BMPR1A: variants seen among roughly 807,000 people sequenced by gnomAD.
BMPR1A encodes bone morphogenetic protein receptor type-1A.
Under a neutral mutation model 66.0 loss-of-function variants are expected in BMPR1A, and 7 were observed. That is an observed-to-expected ratio of 0.11 (90% confidence interval 0.06 to 0.20). BMPR1A has a LOEUF of 0.20. Ranked by LOEUF, BMPR1A falls within the 10% of genes least tolerant of loss-of-function variation. BMPR1A has a pLI of 1.00. For synonymous variants in BMPR1A, 200 were observed against 229.7 expected (o/e 0.87, Z 1.17); for missense variants, 408 against 669.1 (o/e 0.61, Z 4.31).
At chr10:86,819,845 G>T (rs967871834) in intron 1 of BMPR1A, among the ~76,000 whole-genome samples, 1 of 152,086 alleles carries the variant, frequency 6.6e-6, no homozygotes, top group Non-Finnish European at 1.5e-5. Flanking sequence ...AATAATAAAC[G>T]ATTTTTCCAA....
chr10:86,818,739 A>C (rs1048918393), intron 1 of BMPR1A, among the ~76,000 whole-genome samples: 1 of 152,208 alleles, frequency 6.6e-6, no homozygotes, highest in African/African-American at 2.4e-5. Context: ...TCATAGTTTG[A>C]ATGATTCAGA....
chr10:86,761,890 G>C (rs1841064362), intron 1 of BMPR1A, among the ~76,000 whole-genome samples: 1 of 152,214 alleles, frequency 6.6e-6, no homozygotes, highest in Admixed American at 6.5e-5. Context: ...GGATCACATG[G>C]AGTTTGAGAT....
At chr10:86,830,267 G>GTCCC (rs899571746) in intron 1 of BMPR1A, among the ~76,000 whole-genome samples, 6 of 152,226 alleles carry the variant, frequency 3.9e-5, no homozygotes, top group Admixed American at 2.6e-4. Context: ...CTTGACGGGA[G>GTCCC]GTTTGCTAAT....
At chr10:86,910,415 G>A (rs1050255103) in intron 7 of BMPR1A, among the ~76,000 whole-genome samples, 2 of 152,140 alleles carry the variant, frequency 1.3e-5, no homozygotes, top group Admixed American at 1.3e-4. Flanking sequence ...ATACTATCTA[G>A]CCATTAAAGA....
intron 5 of BMPR1A, among the ~76,000 whole-genome samples, chr10:86,896,166 A>AAAAG (rs55776020): frequency 0.16 from 19,246 of 122,028 alleles, 1,919 homozygotes; most frequent in East Asian, 0.63. Context: ...AAAAGAAAAG[A>AAAAG]AAAAAAAAAA....
chr10:86,895,411 G>T (rs921700180), intron 5 of BMPR1A, among the ~76,000 whole-genome samples: 1 of 151,978 alleles, frequency 6.6e-6, no homozygotes, highest in Non-Finnish European at 1.5e-5. Context: ...GGTGGTGCGT[G>T]CCTTTAATCC....
At chr10:86,923,225 A>G in intron 11 of BMPR1A, 151 bp from the exon 12 acceptor site, 1 of 991,034 alleles carries the variant, frequency 1.0e-6, no homozygotes. Flanking sequence ...AGAAAAACAT[A>G]CATCTACTAT....
chr10:86,889,924 A>G lies in BMPR1A; in HGVS notation c.68-138A>G, dbSNP rs987438634. On this transcript the variant is annotated intron_variant, in intron 3 of 12. Transcript: ENST00000372037. Reference sequence around the variant, plus strand: ...GTATGTCTGTTTGTTGTATGAATGAAATTTATATTTCTAAAGAAACATGCT... The same window carrying G: ...GTATGTCTGTTTGTTGTATGAATGAGATTTATATTTCTAAAGAAACATGCT... 3.2e-6 allele frequency: 3 copies of G among 948,402 alleles called. No homozygotes were observed. The South Asian group carries it at 4.8e-5, about 15-fold the overall frequency. The allele number at this position is 948,402 out of a possible 1,614,324, so 58.7% of individuals were successfully genotyped here. A position where few individuals can be genotyped will look rare whatever the true frequency, so the allele number is the denominator to read the frequency against.
chr10:86,766,666 A>G (rs12260268), intron 1 of BMPR1A, among the ~76,000 whole-genome samples: 35,240 of 142,932 alleles, frequency 0.25, 7,286 homozygotes, highest in African/African-American at 0.58. Context: ...CCCAGGCGGG[A>G]GTGCAGTGGC....
intron 3 of BMPR1A, among the ~76,000 whole-genome samples, chr10:86,877,648 C>G (rs1842936893): frequency 6.6e-6 from 1 of 152,146 alleles, no homozygotes; most frequent in Non-Finnish European, 1.5e-5. Flanking sequence ...TCAGCAAAAG[C>G]CACTTTTACT....
At chr10:86,763,783 G>T (rs1164502214) in intron 1 of BMPR1A, among the ~76,000 whole-genome samples, 3 of 145,958 alleles carry the variant, frequency 2.1e-5, no homozygotes. Context: ...AGGAGACTTG[G>T]ATAGTTGTTT....
chr10:86,898,795 C>A (rs1843266452), intron 5 of BMPR1A, among the ~76,000 whole-genome samples: 1 of 152,126 alleles, frequency 6.6e-6, no homozygotes. Flanking sequence ...TTTTCATTTC[C>A]TCCTCCATGT....
chr10:86,881,894 A>C (rs1314469048), intron 3 of BMPR1A, among the ~76,000 whole-genome samples: 2 of 152,244 alleles, frequency 1.3e-5, no homozygotes, highest in Non-Finnish European at 2.9e-5. Flanking sequence ...AGCAATTTAT[A>C]ACATTTATAA....
At chr10:86,930,657 T>C (rs557985691), downstream of BMPR1A, 1 of 152,360 alleles carries the variant, frequency 6.6e-6, no homozygotes, top group South Asian at 2.1e-4. Context: ...AGCAGCTTCT[T>C]GGTCTTTGTT....
intron 11 of BMPR1A, 124 bp from the exon 12 acceptor site, chr10:86,923,252 T>G: frequency 8.3e-7 from 1 of 1,210,252 alleles, no homozygotes; most frequent in Non-Finnish European, 1.2e-6. Context: ...TGAATCATAG[T>G]GTCTATATTT....
At chr10:86,890,018 C>G in intron 3 of BMPR1A, 44 bp from the exon 4 acceptor site, 6 of 1,605,522 alleles carry the variant, frequency 3.7e-6, no homozygotes, top group Non-Finnish European at 4.3e-6. Flanking sequence ...AAACAATGAG[C>G]TTTTCAGAAA....
rs117045597 is a variant in BMPR1A, at chr10:86,908,855, A to G, written c.531-3385A>G. Among the ~76,000 whole-genome samples, 906 of 152,266 alleles carry G rather than the reference A, an allele frequency of 6.0e-3. 4 individuals are homozygous for G. Among genetic ancestry groups the G allele is most frequent in the Admixed American group, 0.011 (161 of 15,300 alleles). ...CCCTGTGGTCCTCCTGTAGGATCCT[A>G]TGCCCACAAGGAGAGAGGAAGGTGT... On this transcript the variant is annotated intron_variant, in intron 7 of 12. Transcript: ENST00000372037.
chr10:86,878,135 AT>A (rs1161802988), intron 3 of BMPR1A, among the ~76,000 whole-genome samples: 1 of 152,234 alleles, frequency 6.6e-6, no homozygotes, highest in East Asian at 1.9e-4. Flanking sequence ...AATGGTATTA[AT>A]GGAAATAACT....
intron 1 of BMPR1A, among the ~76,000 whole-genome samples, chr10:86,781,709 C>T (rs905902359): frequency 2.0e-5 from 3 of 152,052 alleles, no homozygotes; most frequent in African/African-American, 7.2e-5. Context: ...CACCAGTCTA[C>T]CATTTTACTT....
Sources: allele counts gnomAD v4.1 joint callset (sites outside exome capture counted in the v4.1 genomes callset), GRCh38; gene constraint gnomAD v4.1.1; transcripts MANE v1.5; gene names NCBI Gene and HGNC (gene_info 2026-07-23, HGNC 2026-07-21).